The following TRHDE variants were observed in gnomAD, a reference collection of about 807,000 sequenced individuals.
TRHDE encodes thyrotropin releasing hormone degrading enzyme.
A neutral mutation model predicts 125.7 loss-of-function variants in TRHDE; 72 were observed. That is an observed-to-expected ratio of 0.57 (90% CI 0.47 to 0.70). The LOEUF (loss-of-function observed/expected upper bound fraction) is 0.70, where lower values mean the gene tolerates loss of function less well. Among genes scored for constraint, TRHDE ranks in the 30% least tolerant of loss-of-function variants. The pLI, the probability that TRHDE is intolerant of heterozygous loss-of-function variation, is 0.00. For missense variants in TRHDE, 1,110 were observed against 1,327.1 expected, an observed-to-expected ratio of 0.84 and a Z score of 2.54; for synonymous variants, 509 against 509.1, an observed-to-expected ratio of 1.00 and a Z score of 0.00.
intron 1 of TRHDE, among the ~76,000 whole-genome samples, chr12:72,278,856 T>C (rs568715464): frequency 2.0e-5 from 3 of 152,258 alleles, no homozygotes; most frequent in Admixed American, 6.5e-5. Flanking sequence ...ACTTATCAGA[T>C]GTACAGACTG....
In TRHDE at chr12:72,668,443, T is replaced by G. The variant is rs536454634; in HGVS notation, c.*5248T>G. On this transcript the variant is annotated 3_prime_UTR_variant, in exon 19 of 19. Transcript: ENST00000261180. ...AGATTTTGAAAACATACCACTTTAA[T>G]GGCCTTTATTTCAAATACTTCGTAC... 41 of 151,914 alleles carry G rather than the reference T, an allele frequency of 2.7e-4. No homozygotes were observed. The highest frequency in any genetic ancestry group is 9.6e-4 in the African/African-American group (40 of 41,564). The allele number at this position is 151,914 out of a possible 1,614,324, so 9.4% of individuals were successfully genotyped here.
At chr12:72,591,245 G>A (rs966007033) in intron 12 of TRHDE, among the ~76,000 whole-genome samples, 1 of 152,186 alleles carries the variant, frequency 6.6e-6, no homozygotes, top group African/African-American at 2.4e-5. Context: ...AATTCAAGAT[G>A]AGATTTGGGT....
chr12:72,591,715 T>C (rs1592558515), intron 12 of TRHDE, among the ~76,000 whole-genome samples: 1 of 151,528 alleles, frequency 6.6e-6, no homozygotes. Context: ...ATATGAAGAT[T>C]TCTTCATTTT....
At chr12:72,508,759 A>T (rs1878459150) in intron 6 of TRHDE, among the ~76,000 whole-genome samples, 1 of 152,028 alleles carries the variant, frequency 6.6e-6, no homozygotes, top group Non-Finnish European at 1.5e-5. Context: ...TTAAATTGCA[A>T]TCCCCAGTGT....
chr12:72,090,794 G>A (rs1226242668), intron 1 of TRHDE, among the ~76,000 whole-genome samples: 1 of 151,788 alleles, frequency 6.6e-6, no homozygotes, highest in Non-Finnish European at 1.5e-5. Flanking sequence ...TAACCACTTG[G>A]CCTATTGGTG....
At chr12:72,180,383 G>A (rs897556866) in intron 2 of TRHDE, among the ~76,000 whole-genome samples, 2 of 151,948 alleles carry the variant, frequency 1.3e-5, no homozygotes, top group African/African-American at 4.8e-5. Context: ...TGAAAAATTA[G>A]ATTTGGTAAT....
chr12:72,519,561 G>A (rs1483337340), intron 6 of TRHDE, among the ~76,000 whole-genome samples: 2 of 152,092 alleles, frequency 1.3e-5, no homozygotes, highest in South Asian at 4.1e-4. Context: ...TTTTTTCAAA[G>A]TTTTAAACTT....
chr12:72,164,430 C>G (rs1327652259), intron 2 of TRHDE, among the ~76,000 whole-genome samples: 2 of 152,026 alleles, frequency 1.3e-5, no homozygotes, highest in Non-Finnish European at 2.9e-5. Flanking sequence ...AAGAGAAGAC[C>G]CAGAGCCAGA....
At chr12:72,532,491 A>G (rs1463229018) in intron 6 of TRHDE, among the ~76,000 whole-genome samples, 3 of 151,114 alleles carry the variant, frequency 2.0e-5, no homozygotes, top group Admixed American at 1.3e-4. Flanking sequence ...TTTCAACTTT[A>G]AGAAGAATGC....
intron 2 of TRHDE, among the ~76,000 whole-genome samples, chr12:72,185,128 T>G (rs1877176716): frequency 1.3e-5 from 2 of 152,114 alleles, no homozygotes; most frequent in Non-Finnish European, 2.9e-5. Flanking sequence ...GGGCCCGCAC[T>G]CGCACTCGGA....
At chr12:72,106,644 A>C (rs771661963) in intron 2 of TRHDE, among the ~76,000 whole-genome samples, 2 of 152,110 alleles carry the variant, frequency 1.3e-5, no homozygotes, top group Non-Finnish European at 2.9e-5. Flanking sequence ...ACTATTTATA[A>C]ATTCTACTCT....
chr12:72,496,326 A>G (rs1486970330), intron 5 of TRHDE, among the ~76,000 whole-genome samples: 1 of 152,192 alleles, frequency 6.6e-6, no homozygotes, highest in Non-Finnish European at 1.5e-5. Context: ...GAGACTGGGT[A>G]ATTTATGAAG....
In TRHDE at chr12:72,483,827, G is replaced by A. The variant is rs576387056; in HGVS notation, c.1584+10647G>A. Among the ~76,000 whole-genome samples the A allele has an allele frequency of 4.6e-5, 7 of 151,926 alleles. No individual in the cohort carries two copies. In the East Asian group the frequency reaches 7.7e-4, roughly 17 times the overall value. On this transcript the variant is annotated intron_variant, in intron 5 of 18. Transcript: ENST00000261180. ...CAAATGTTAAGGTTTTATCAGACTA[G>A]GTTATTTGATAGATTGACAATTCAT...
intron 2 of TRHDE, among the ~76,000 whole-genome samples, chr12:72,110,274 A>C (rs1777633565): frequency 6.6e-6 from 1 of 152,110 alleles, no homozygotes; most frequent in African/African-American, 2.4e-5. Context: ...GACACCTTTT[A>C]TCTGTAGAGT....
intron 3 of TRHDE, among the ~76,000 whole-genome samples, chr12:72,380,037 A>G (rs891887123): frequency 2.0e-5 from 3 of 152,228 alleles, no homozygotes; most frequent in African/African-American, 4.8e-5. Flanking sequence ...TACATTATGA[A>G]TCGTATTTTA....
At chr12:72,656,747 G>A (rs950757064) in intron 17 of TRHDE, among the ~76,000 whole-genome samples, 180 bp from the exon 18 acceptor site, 2 of 152,084 alleles carry the variant, frequency 1.3e-5, no homozygotes, top group Non-Finnish European at 2.9e-5. Flanking sequence ...ATATCCCAAA[G>A]CCATAACTCT....
At chr12:72,267,939 G>C (rs540654595), upstream of TRHDE, among the ~76,000 whole-genome samples, 5 of 144,936 alleles carry the variant, frequency 3.4e-5, no homozygotes, top group South Asian at 1.0e-3. Context: ...TGGAAGGGTA[G>C]TTCTTATATG....
At chr12:72,478,471 G>T (rs1224276325) in intron 5 of TRHDE, among the ~76,000 whole-genome samples, 3 of 152,026 alleles carry the variant, frequency 2.0e-5, no homozygotes, top group Admixed American at 1.3e-4. Context: ...TAGCCGATTT[G>T]CTCAGCAAGC....
intron 12 of TRHDE, among the ~76,000 whole-genome samples, chr12:72,587,633 AT>A (rs750367983): frequency 4.7e-4 from 72 of 152,220 alleles, no homozygotes; most frequent in Non-Finnish European, 9.1e-4. Flanking sequence ...GAATTTTAAA[AT>A]TAAAGGATTG....
Sources: allele counts gnomAD v4.1 joint callset (sites outside exome capture counted in the v4.1 genomes callset), GRCh38; gene constraint gnomAD v4.1.1; transcripts MANE v1.5; gene names NCBI Gene and HGNC (gene_info 2026-07-23, HGNC 2026-07-21).